SMTN: variants seen among roughly 807,000 people sequenced by gnomAD.
The protein encoded by SMTN is smoothelin.
Under a neutral mutation model 102.0 loss-of-function variants are expected in SMTN, and 58 were observed. That is an observed-to-expected ratio of 0.57 (90% CI 0.46 to 0.71). SMTN has a LOEUF of 0.71. Ranked by LOEUF, SMTN falls within the 30% of genes least tolerant of loss-of-function variation. The probability of loss-of-function intolerance (pLI) is 0.00; values close to 1 mark genes in which losing one functional copy is unlikely to be tolerated. For missense variants in SMTN, 1,185 were observed against 1,241.7 expected, an observed-to-expected ratio of 0.95 and a Z score of 0.69; for synonymous variants, 478 against 497.9, an observed-to-expected ratio of 0.96 and a Z score of 0.53.
intron 15 of SMTN, 91 bp from the exon 16 acceptor site, chr22:31,097,178 C>A: frequency 4.7e-6 from 7 of 1,477,042 alleles, no homozygotes; most frequent in Middle Eastern, 1.8e-4. Flanking sequence ...TCTCTGCCTG[C>A]GGCTATCACC....
intron 11 of SMTN, among the ~76,000 whole-genome samples, chr22:31,094,205 G>C (rs1178073980): frequency 6.6e-6 from 1 of 152,252 alleles, no homozygotes; most frequent in Non-Finnish European, 1.5e-5. Flanking sequence ...TGCCAGGAGA[G>C]GAAGGGCCAT....
intron 20 of SMTN, chr22:31,103,854 G>A (rs937735570): frequency 8.8e-5 from 14 of 159,670 alleles, no homozygotes; most frequent in Non-Finnish European, 1.2e-4. Context: ...GACAATCATC[G>A]GTGGACCACA....
chr22:31,097,009 C>T lies in SMTN; in HGVS notation c.2038C>T (p.Arg680Trp), dbSNP rs769145700. ...CCCTGCCCCTGCAGATGATGGCACA[C>T]GGACGGCCCGCACCACCACAGTGGA... ...ERLVHSNDGT[R>W]TARTTTVESS... The change falls in exon 15 of 21, where the codon CGG becomes TGG. Residue 680 changes from arginine to tryptophan, a missense_variant. Physicochemically the swap from Arg to Trp is moderately radical, Grantham distance 101 (BLOSUM62 -3). Transcript: ENST00000333137. 4.7e-5 allele frequency: 76 copies of T among 1,614,022 alleles called. 1 individual carries two copies. The highest frequency in any genetic ancestry group is 3.8e-4 in the East Asian group (17 of 44,896).
At chr22:31,101,188 C>A (rs1284398437) in intron 20 of SMTN, 139 bp downstream of exon 20, 7 of 805,944 alleles carry the variant, frequency 8.7e-6, no homozygotes, top group African/African-American at 8.7e-5. Context: ...GCCCTGTCTT[C>A]TGGCAGTTCA....
chr22:31,086,433 G>A (rs2147616564), intron 2 of SMTN, among the ~76,000 whole-genome samples: 1 of 152,276 alleles, frequency 6.6e-6, no homozygotes. Flanking sequence ...GGACAAGTAG[G>A]GGGCTCAGCA....
intron 2 of SMTN, chr22:31,084,984 G>A: frequency 6.8e-7 from 1 of 1,465,348 alleles, no homozygotes; most frequent in Non-Finnish European, 9.0e-7. Context: ...CGCTCCGCCC[G>A]CCCTGCGCCC....
Position 31,104,496 on chromosome 22 carries a change from A to G in SMTN, c.*201A>G. The stretch of plus-strand genomic sequence containing the variant: ...CCCGCCCGCATGGCCAGCCAGTGGC[A>G]AGCTGCCGCCCCCACTCTCCGGGCA... On this transcript the variant is annotated 3_prime_UTR_variant, in exon 21 of 21. Coordinates refer to ENST00000333137, the MANE Select transcript of SMTN (RefSeq NM_134269.3). 1 of 1,605,652 alleles carries G rather than the reference A, an allele frequency of 6.2e-7. No individual in the cohort carries two copies. Among genetic ancestry groups the G allele is most frequent in the Non-Finnish European group, 8.5e-7 (1 of 1,178,172 alleles).
Position 31,087,958 on chromosome 22 carries a change from A to G in SMTN, c.52-7A>G, listed in dbSNP as rs1407590727. The stretch of plus-strand genomic sequence containing the variant: ...CCAAAATGACCTGCCTCTCGCACCC[A>G]CTGCAGCTGGAGGTCACAGCAGATC... On this transcript the variant is annotated splice_region_variant and splice_polypyrimidine_tract_variant and intron_variant, in intron 2 of 20. Transcript: ENST00000333137. 2 of 1,582,652 alleles carry G rather than the reference A, an allele frequency of 1.3e-6. No individual in the cohort carries two copies. Among genetic ancestry groups the G allele is most frequent in the South Asian group, 2.3e-5 (2 of 88,484 alleles).
At chr22:31,073,339 G>GT (rs1320968873) in intron 1 of SMTN, among the ~76,000 whole-genome samples, 1 of 152,118 alleles carries the variant, frequency 6.6e-6, no homozygotes, top group Non-Finnish European at 1.5e-5. Flanking sequence ...TCTGTAACCT[G>GT]TTTCCTTTTC....
At chr22:31,098,917 C>G in intron 17 of SMTN, 77 bp downstream of exon 17, 5 of 1,550,540 alleles carry the variant, frequency 3.2e-6, no homozygotes, top group Non-Finnish European at 4.4e-6. Context: ...ATAGTTGGCC[C>G]GGCAGAGGCG....
At chr22:31,069,287 C>T (rs1011695360) in intron 1 of SMTN, among the ~76,000 whole-genome samples, 13 of 152,084 alleles carry the variant, frequency 8.5e-5, no homozygotes, top group African/African-American at 3.1e-4. Flanking sequence ...AGGCCACTCT[C>T]GCTTCAAAGT....
intron 1 of SMTN, among the ~76,000 whole-genome samples, chr22:31,074,632 A>G (rs567655783): frequency 6.6e-6 from 1 of 152,150 alleles, no homozygotes; most frequent in African/African-American, 2.4e-5. Flanking sequence ...TCTACTAAAA[A>G]TATATAACTT....
At position 31,091,698 on chromosome 22, in the gene SMTN, C is replaced by A; in HGVS notation, c.1483C>A (p.Pro495Thr). Reference protein sequence around the residue: ...RAELTLGLRAPPTLLSTSSGG... With the variant: ...RAELTLGLRATPTLLSTSSGG... ...AGAACTGACACTGGGGCTGCGGGCG[C>A]CCCCGACCCTACTCAGCACCAGTAG... Residue 495 changes from proline to threonine, a missense_variant, in exon 11 of 21, where the codon CCC (proline) becomes ACC (threonine). Pro to Thr is a conservative substitution (Grantham distance 38, BLOSUM62 -1). This residue lies in a region of SMTN where 1,096 missense variants were observed against 1,112.7 expected (regional missense o/e 0.98). Transcript: ENST00000333137. 1 of 1,604,646 alleles carries A rather than the reference C, an allele frequency of 6.2e-7. No homozygotes were observed. The highest frequency in any genetic ancestry group is 1.7e-5 in the Admixed American group (1 of 59,418).
At position 31,088,542 on chromosome 22, in the gene SMTN, C is replaced by A. The variant is rs2042876351; in HGVS notation, c.230C>A (p.Ala77Asp). ...HSQQREAEQR[A>D]ALARLAGQLE... ...CAGCAGCGGGAAGCTGAGCAGCGGG[C>A]TGCCCTGGCACGGCTGGCAGGGCAG... is the stretch of plus-strand genomic sequence containing the variant. Residue 77 changes from alanine (A) to aspartate (D), a missense_variant, in exon 4 of 21, where the codon GCT becomes GAT. Ala to Asp is a moderately radical substitution (Grantham distance 126). Around this residue, in one of 2 missense-constraint regions of SMTN, gnomAD observed 1,096 missense variants for 1,112.7 expected, o/e 0.98. Transcript: ENST00000333137. The A allele has an allele frequency of 6.2e-7, 1 of 1,613,500 alleles. No individual in the cohort carries two copies. Among genetic ancestry groups the A allele is most frequent in the Non-Finnish European group, 8.5e-7 (1 of 1,179,904 alleles).
intron 11 of SMTN, 24 bp downstream of exon 11, chr22:31,091,871 G>A: frequency 6.5e-7 from 1 of 1,540,228 alleles, no homozygotes; most frequent in South Asian, 1.2e-5. Flanking sequence ...CACCCCACCA[G>A]CCTCACCATC....
Position 31,098,554 on chromosome 22 carries a change from G to A in SMTN, c.2160-113G>A, listed in dbSNP as rs974922698. On this transcript the variant is annotated intron_variant, in intron 16 of 20. Transcript: ENST00000333137. Reference sequence around the variant, plus strand: ...GCCTCCCTCCCTGGCAGGCGTTTGTGGCAGTGGAGATACTAGTGTGCTACA... The same window carrying A: ...GCCTCCCTCCCTGGCAGGCGTTTGTAGCAGTGGAGATACTAGTGTGCTACA... 5.0e-6 allele frequency: 5 copies of A among 995,290 alleles called. No homozygotes were observed. The Admixed American group carries it at 7.5e-5, about 15-fold the overall frequency. The allele number at this position is 995,290 out of a possible 1,614,324, so 61.7% of individuals were successfully genotyped here.
At position 31,097,017 on chromosome 22, in the gene SMTN, C is replaced by A. The variant is rs115899576; in HGVS notation, c.2046C>A (p.Ala682=). The A allele has an allele frequency of 1.2e-4, 187 of 1,614,184 alleles. No individual in the cohort carries two copies. The highest frequency in any genetic ancestry group is 1.6e-4 in the Middle Eastern group (1 of 6,062). ...LVHSNDGTRT[A]RTTTVESSFV... ...CTGCAGATGATGGCACACGGACGGC[C>A]CGCACCACCACAGTGGAGTCGAGTT... Residue 682 remains alanine, a synonymous_variant, in exon 15 of 21, where the codon GCC becomes GCA. Coordinates refer to ENST00000333137, the MANE Select transcript of SMTN (RefSeq NM_134269.3).
chr22:31,085,121 A>G, intron 2 of SMTN: 1 of 1,535,292 alleles, frequency 6.5e-7, no homozygotes, highest in Non-Finnish European at 8.7e-7. Context: ...GTGCCCCTCC[A>G]CCACCCGCCG....
intron 2 of SMTN, chr22:31,085,355 G>GC: frequency 4.4e-6 from 6 of 1,372,176 alleles, no homozygotes; most frequent in Non-Finnish European, 5.8e-6. Context: ...GGCCTTCAGC[G>GC]CCCCCTGGCG....
Sources: allele counts gnomAD v4.1 joint callset (sites outside exome capture counted in the v4.1 genomes callset), GRCh38; gene constraint gnomAD v4.1.1; regional missense constraint gnomAD v4.1.1; transcripts MANE v1.5; gene names NCBI Gene and HGNC (gene_info 2026-07-23, HGNC 2026-07-21).